GALNTL6: variants seen among roughly 807,000 people sequenced by gnomAD.
The protein encoded by GALNTL6 is polypeptide N-acetylgalactosaminyltransferase-like 6.
A neutral mutation model predicts 73.7 loss-of-function variants in GALNTL6; 46 were observed. That is an observed-to-expected ratio of 0.62 (90% CI 0.49 to 0.80). GALNTL6 has a LOEUF of 0.80. GALNTL6 is among the 30% of genes least tolerant of loss of function. The probability of loss-of-function intolerance (pLI) is 0.00; values close to 1 mark genes in which losing one functional copy is unlikely to be tolerated. For synonymous variants in GALNTL6, 259 were observed against 263.7 expected (o/e 0.98, Z 0.17); for missense variants, 604 against 755.0 (o/e 0.80, Z 2.34).
At chr4:172,125,821 A>G in intron 2 of GALNTL6, among the ~76,000 whole-genome samples, 1 of 151,670 alleles carries the variant, frequency 6.6e-6, no homozygotes, top group Non-Finnish European at 1.5e-5. Flanking sequence ...TTGTTCTACT[A>G]ACTGGTTCCT....
chr4:172,296,193 C>G (rs1739665471), intron 3 of GALNTL6, among the ~76,000 whole-genome samples: 1 of 152,084 alleles, frequency 6.6e-6, no homozygotes, highest in Admixed American at 6.6e-5. Flanking sequence ...TGTGTATCGG[C>G]TTTTACTCCA....
At chr4:172,230,429 T>C (rs1232370664) in intron 3 of GALNTL6, among the ~76,000 whole-genome samples, 4 of 151,616 alleles carry the variant, frequency 2.6e-5, no homozygotes, top group African/African-American at 9.7e-5. Flanking sequence ...CTACTAAAAA[T>C]ACAAAAAATT....
chr4:172,983,949 TAC>T (rs1751184712), intron 10 of GALNTL6, among the ~76,000 whole-genome samples: 1 of 151,820 alleles, frequency 6.6e-6, no homozygotes, highest in Non-Finnish European at 1.5e-5. Context: ...GGTTAAAAAC[TAC>T]AGTCATTTTC....
chr4:172,325,635 G>A (rs1478131714), intron 4 of GALNTL6, among the ~76,000 whole-genome samples: 1 of 151,770 alleles, frequency 6.6e-6, no homozygotes, highest in African/African-American at 2.4e-5. Context: ...ACTTAGGGGA[G>A]TATAAAATAA....
At chr4:172,023,857 TTTGCTC>T (rs1741474882) in intron 2 of GALNTL6, among the ~76,000 whole-genome samples, 3 of 151,902 alleles carry the variant, frequency 2.0e-5, no homozygotes, top group Non-Finnish European at 4.4e-5. Flanking sequence ...TATGGCAGTG[TTTGCTC>T]AAAACTCTCA....
intron 3 of GALNTL6, among the ~76,000 whole-genome samples, chr4:172,308,364 T>C (rs988276394): frequency 6.6e-6 from 1 of 151,964 alleles, no homozygotes; most frequent in Non-Finnish European, 1.5e-5. Flanking sequence ...CAGGACTATG[T>C]TGAAAAGAAG....
rs201903149 is a variant in GALNTL6 at position 172,940,139 on chromosome 4, GACA to G, written c.1149+8874_1149+8876del. 5.6e-3 allele frequency among the ~76,000 whole-genome samples: 831 copies of G among 148,438 alleles called. 8 individuals carry two copies. Among genetic ancestry groups the G allele is most frequent in the African/African-American group, 0.017 (676 of 40,490 alleles). ...TCATGAAAAAAATATGTGAGGTAAA[GACA>G]ACGTTATTTTCAAACTTGGTAATTT... On this transcript the variant is annotated intron_variant, in intron 9 of 12. Coordinates refer to ENST00000506823, the MANE Select transcript of GALNTL6 (RefSeq NM_001034845.3).
chr4:172,754,037 G>A (rs1186528781), intron 5 of GALNTL6, among the ~76,000 whole-genome samples: 4 of 152,050 alleles, frequency 2.6e-5, no homozygotes, highest in East Asian at 3.9e-4. Flanking sequence ...AAAAGAAGGA[G>A]GAAAATTATA....
At chr4:172,163,178 A>G (rs1362368621) in intron 2 of GALNTL6, among the ~76,000 whole-genome samples, 1 of 152,038 alleles carries the variant, frequency 6.6e-6, no homozygotes, top group African/African-American at 2.4e-5. Context: ...ATGCATTTAT[A>G]ATTTTATATA....
At chr4:172,864,952 G>A (rs1017588999) in intron 7 of GALNTL6, among the ~76,000 whole-genome samples, 1 of 152,172 alleles carries the variant, frequency 6.6e-6, no homozygotes, top group Non-Finnish European at 1.5e-5. Flanking sequence ...GCCATAGAGT[G>A]TCACTGTTAC....
At chr4:172,355,826 T>TAA (rs1198289829) in intron 5 of GALNTL6, among the ~76,000 whole-genome samples, 1 of 152,154 alleles carries the variant, frequency 6.6e-6, no homozygotes, top group East Asian at 1.9e-4. Flanking sequence ...TTCTCAAACA[T>TAA]TAGTTTGTAG....
intron 3 of GALNTL6, among the ~76,000 whole-genome samples, chr4:172,297,117 T>G (rs2111112419): frequency 6.6e-6 from 1 of 152,342 alleles, no homozygotes; most frequent in Middle Eastern, 3.4e-3. Context: ...CCAGTGATGA[T>G]GAGCATTTTT....
At chr4:172,204,304 AGT>A (rs1234581008) in intron 2 of GALNTL6, among the ~76,000 whole-genome samples, 3 of 152,192 alleles carry the variant, frequency 2.0e-5, no homozygotes, top group Non-Finnish European at 4.4e-5. Context: ...AGTTTGCTCA[AGT>A]TTGCAGTGCA....
intron 2 of GALNTL6, among the ~76,000 whole-genome samples, chr4:172,075,462 G>A (rs1274897901): frequency 1.3e-5 from 2 of 152,040 alleles, no homozygotes; most frequent in Non-Finnish European, 2.9e-5. Context: ...AGCCTCCCGA[G>A]TAGCTGGGAC....
chr4:172,958,151 G>A (rs1268370099), intron 10 of GALNTL6, among the ~76,000 whole-genome samples: 1 of 152,198 alleles, frequency 6.6e-6, no homozygotes, highest in Admixed American at 6.5e-5. Flanking sequence ...GAAGAAAATA[G>A]ATTTTGGAAG....
rs182310735 is a variant in GALNTL6, at chr4:172,469,477, G to T, written c.553+120788G>T. 9.2e-5 allele frequency among the ~76,000 whole-genome samples: 14 copies of T among 152,110 alleles called. No individual in the cohort carries two copies. The East Asian group carries it at 2.7e-3, about 29-fold the overall frequency. ...AAAAAAAAAATAGCCAGTCATGATG[G>T]TGCACACACTTCCAAACTATCAAAG... On this transcript the variant is annotated intron_variant, in intron 5 of 12. Coordinates refer to ENST00000506823, the MANE Select transcript of GALNTL6 (RefSeq NM_001034845.3).
At chr4:172,258,463 A>G (rs887778719) in intron 3 of GALNTL6, among the ~76,000 whole-genome samples, 2 of 151,250 alleles carry the variant, frequency 1.3e-5, no homozygotes, top group African/African-American at 2.4e-5. Context: ...TATGTTTTTC[A>G]TTAATTCTGG....
intron 5 of GALNTL6, among the ~76,000 whole-genome samples, chr4:172,386,039 T>C (rs1360601621): frequency 6.6e-6 from 1 of 152,162 alleles, no homozygotes; most frequent in African/African-American, 2.4e-5. Context: ...AGCTTTGTTC[T>C]ATGTACTCCT....
At chr4:171,846,904 ATATATACATATAAT>A in intron 2 of GALNTL6, among the ~76,000 whole-genome samples, 3 of 11,876 alleles carry the variant, frequency 2.5e-4, no homozygotes, top group African/African-American at 6.5e-4. Flanking sequence ...ATATGTAATT[ATATATACATATAAT>A]TATATGTAAT....
Sources: gnomAD v4.1 joint callset for allele counts (sites outside exome capture counted in the v4.1 genomes callset) on GRCh38, gnomAD v4.1.1 for gene constraint, MANE v1.5 for transcripts, NCBI Gene and HGNC (gene_info 2026-07-23, HGNC 2026-07-21) for gene names.